ZNF143: variants seen among roughly 807,000 people sequenced by gnomAD.
ZNF143 encodes the protein SPH-binding factor.
A neutral mutation model predicts 74.1 loss-of-function variants in ZNF143; 49 were observed. The observed-to-expected ratio is 0.66, with a 90% CI of 0.53 to 0.84. The LOEUF is 0.84. Among genes scored for constraint, ZNF143 ranks in the 40% least tolerant of loss-of-function variants. The pLI, the probability that ZNF143 is intolerant of heterozygous loss-of-function variation, is 0.00. For missense variants in ZNF143, 637 were observed against 793.4 expected (o/e 0.80, Z 2.37); for synonymous variants, 304 against 282.8 (o/e 1.07, Z -0.75).
At chr11:9,521,293 T>A (rs948325116) in intron 14 of ZNF143, among the ~76,000 whole-genome samples, 12 of 152,254 alleles carry the variant, frequency 7.9e-5, no homozygotes, top group African/African-American at 2.4e-4. Context: ...TAAAATCCTC[T>A]GTGACAATTT....
At chr11:9,524,646 G>A (rs943879905) in intron 14 of ZNF143, among the ~76,000 whole-genome samples, 2 of 151,980 alleles carry the variant, frequency 1.3e-5, no homozygotes, top group African/African-American at 4.8e-5. Context: ...TTAAAAAGTT[G>A]TACTTGTGGT....
intron 1 of ZNF143, among the ~76,000 whole-genome samples, chr11:9,467,282 C>G (rs1022411138): frequency 4.7e-5 from 7 of 148,394 alleles, no homozygotes; most frequent in African/African-American, 1.7e-4. Flanking sequence ...GTAGCTCAGG[C>G]TGGAGTGCAG....
chr11:9,514,724 G>T (rs145254311), intron 13 of ZNF143, among the ~76,000 whole-genome samples: 2 of 152,324 alleles, frequency 1.3e-5, no homozygotes, highest in South Asian at 2.1e-4. Context: ...CACTTTCTGG[G>T]ACTGCAAATG....
intron 5 of ZNF143, among the ~76,000 whole-genome samples, chr11:9,477,163 C>CTTCT (rs1856966561): frequency 7.4e-6 from 1 of 134,286 alleles, no homozygotes; most frequent in Non-Finnish European, 1.6e-5. Flanking sequence ...TCCTTCCTTC[C>CTTCT]TTCCTTCCTC....
intron 10 of ZNF143, among the ~76,000 whole-genome samples, chr11:9,500,703 A>G (rs1848128017): frequency 1.3e-5 from 2 of 152,370 alleles, no homozygotes. Context: ...AAGATATTGT[A>G]GAATAAATCA....
chr11:9,522,923 A>G lies in ZNF143; in HGVS notation c.1687-2317A>G, dbSNP rs375467183. 3.2e-3 allele frequency among the ~76,000 whole-genome samples: 472 copies of G among 149,318 alleles called. 3 individuals are homozygous for G. The highest frequency in any genetic ancestry group is 0.011 in the African/African-American group (456 of 40,390). ...ACTACAGGCACCCGCCACCATGCCCAGCTAATTTTTTGTATTTTTTTTTTT... is the reference window on the plus strand; with the variant it reads ...ACTACAGGCACCCGCCACCATGCCCGGCTAATTTTTTGTATTTTTTTTTTT... On this transcript the variant is annotated intron_variant, in intron 14 of 15. Transcript: ENST00000396602.
At chr11:9,464,086 T>TTGTGTGTGTGTGTGTGTG (rs144501900) in intron 1 of ZNF143, among the ~76,000 whole-genome samples, 1 of 124,016 alleles carries the variant, frequency 8.1e-6, no homozygotes, top group African/African-American at 2.7e-5. Context: ...GTGTGTGTGT[T>TTGTGTGTGTGTGTGTGTG]TGTGTGTGTG....
In ZNF143 at chr11:9,486,354, ATATATATATT is replaced by A. The variant is rs1565038510; in HGVS notation, c.645+6809_645+6818del. On this transcript the variant is annotated intron_variant, in intron 7 of 15. Coordinates refer to ENST00000396602, the MANE Select transcript of ZNF143 (RefSeq NM_003442.6). ...GCGCTAATTATATTATATATATATT[ATATATATATT>A]ATATATAATATATTATATATATAAT... Among the ~76,000 whole-genome samples, 131 of 57,000 alleles carry A rather than the reference ATATATATATT, an allele frequency of 2.3e-3. 18 individuals are homozygous for A. The highest frequency in any genetic ancestry group is 0.012 in the South Asian group (30 of 2,606). 37.4% of individuals were successfully genotyped at this position (57,000 alleles called of 152,430 possible). A position where few individuals can be genotyped will look rare whatever the true frequency, so the allele number is the denominator to read the frequency against.
At chr11:9,474,126 C>T in intron 4 of ZNF143, 102 bp downstream of exon 4, 1 of 902,080 alleles carries the variant, frequency 1.1e-6, no homozygotes, top group Non-Finnish European at 1.8e-6. Flanking sequence ...GTCTTGTTCT[C>T]AAGTCCTCCT....
rs545788382 is a variant in ZNF143 at position 9,497,207 on chromosome 11, T to C, written c.842-468T>C. On this transcript the variant is annotated intron_variant, in intron 9 of 15. Coordinates refer to ENST00000396602, the MANE Select transcript of ZNF143 (RefSeq NM_003442.6). ...AACTATTGAATTTTCAGCATGGCAGTCCCGAGCTATGATACTTTTGTACAT... is the reference window on the plus strand; with the variant it reads ...AACTATTGAATTTTCAGCATGGCAGCCCCGAGCTATGATACTTTTGTACAT... Among the ~76,000 whole-genome samples the C allele has an allele frequency of 2.3e-3, 349 of 152,292 alleles. 7 individuals carry two copies. Among genetic ancestry groups the C allele is most frequent in the African/African-American group, 7.8e-3 (325 of 41,564 alleles).
intron 7 of ZNF143, among the ~76,000 whole-genome samples, chr11:9,481,294 A>T (rs1048964887): frequency 6.6e-6 from 1 of 152,198 alleles, no homozygotes; most frequent in African/African-American, 2.4e-5. Context: ...AGGCGAGGGC[A>T]GGAGGATCCC....
chr11:9,512,496 G>A lies in ZNF143; in HGVS notation c.1424G>A (p.Gly475Asp), dbSNP rs761251534. ...GGGTCCCAGATTACGTATGTTACAGGTGTAGAAGGGGACGACGTTGTTTCT... is the reference window on the plus strand; with the variant it reads ...GGGTCCCAGATTACGTATGTTACAGATGTAGAAGGGGACGACGTTGTTTCT... ...LKGSQITYVTGVEGDDVVSTQ... is the reference protein window; with the variant it reads ...LKGSQITYVTDVEGDDVVSTQ... Residue 475 changes from glycine to aspartate, a missense_variant, in exon 13 of 16, where the codon GGT becomes GAT. Coordinates refer to ENST00000396602, the MANE Select transcript of ZNF143 (RefSeq NM_003442.6). The A allele has an allele frequency of 1.9e-6, 3 of 1,614,226 alleles. No homozygotes were observed. The South Asian group carries it at 3.3e-5, about 18-fold the overall frequency.
intron 11 of ZNF143, among the ~76,000 whole-genome samples, chr11:9,502,708 A>G (rs11042397): frequency 0.42 from 63,544 of 151,708 alleles, 13,743 homozygotes; most frequent in Admixed American, 0.53. Flanking sequence ...CATTTCCCCT[A>G]AAAGAAATTC....
chr11:9,463,693 G>A (rs1590479173), intron 1 of ZNF143: 1 of 152,144 alleles, frequency 6.6e-6, no homozygotes, highest in East Asian at 1.9e-4. Flanking sequence ...TCAGATACAT[G>A]GTTTGCAAAA....
At chr11:9,481,037 T>C (rs534479983) in intron 7 of ZNF143, among the ~76,000 whole-genome samples, 1 of 152,316 alleles carries the variant, frequency 6.6e-6, no homozygotes, top group Non-Finnish European at 1.5e-5. Context: ...GCTTTGATGC[T>C]GTGTGATTCG....
rs78401980 is a variant in ZNF143 at position 9,505,556 on chromosome 11, A to C, written c.1148-3063A>C. On this transcript the variant is annotated intron_variant, in intron 11 of 15. Transcript: ENST00000396602. ...ATGCAATTTTTGTGTGCTATACATA[A>C]ACATGTACCTACGAATGAGTTCACT... is the stretch of plus-strand genomic sequence containing the variant. 7.9e-5 allele frequency among the ~76,000 whole-genome samples: 12 copies of C among 152,194 alleles called. No homozygotes were observed. The East Asian group carries it at 2.3e-3, about 29-fold the overall frequency.
In ZNF143 at chr11:9,501,221, G is replaced by A; in HGVS notation, c.1098G>A (p.Arg366=). 1 of 1,614,096 alleles carries A rather than the reference G, an allele frequency of 6.2e-7. No homozygotes were observed. Among genetic ancestry groups the A allele is most frequent in the Non-Finnish European group, 8.5e-7 (1 of 1,180,020 alleles). Residue 366 remains arginine, a synonymous_variant, in exon 11 of 16, where the codon AGG becomes AGA. Transcript: ENST00000396602. Reference sequence around the variant, plus strand: ...ACTGCACAGAGCCAGGATGTGGGAGGGCATTTGCCAGTGCAACAAATTATA... The same window carrying A: ...ACTGCACAGAGCCAGGATGTGGGAGAGCATTTGCCAGTGCAACAAATTATA... ...PYYCTEPGCG[R]AFASATNYKN...
intron 11 of ZNF143, among the ~76,000 whole-genome samples, chr11:9,506,173 A>C (rs1301002940): frequency 1.3e-5 from 2 of 152,142 alleles, no homozygotes; most frequent in Admixed American, 6.6e-5. Flanking sequence ...TCTACCAAAA[A>C]ATACAAAAGT....
chr11:9,499,193 T>C (rs752928469), intron 10 of ZNF143, among the ~76,000 whole-genome samples: 8 of 152,154 alleles, frequency 5.3e-5, no homozygotes, highest in Non-Finnish European at 1.0e-4. Context: ...TAGTGTGGGA[T>C]TGAGTAAGGG....
Sources: allele counts gnomAD v4.1 joint callset (sites outside exome capture counted in the v4.1 genomes callset), GRCh38; gene constraint gnomAD v4.1.1; transcripts MANE v1.5; gene names NCBI Gene and HGNC (gene_info 2026-07-23, HGNC 2026-07-21).